Variants in PFKL observed in about 807,000 individuals in gnomAD.
The protein encoded by PFKL is phosphofructokinase, liver type, also known as ATP-dependent 6-phosphofructokinase, liver type.
Under a neutral mutation model 92.1 loss-of-function variants are expected in PFKL, and 74 were observed. That is an observed-to-expected ratio of 0.80 (90% CI 0.67 to 0.97). The LOEUF is 0.97. Among genes scored for constraint, PFKL ranks in the 50% least tolerant of loss-of-function variants. The pLI, the probability that PFKL is intolerant of heterozygous loss-of-function variation, is 0.00. For missense variants in PFKL, 1,028 were observed against 1,116.6 expected, an observed-to-expected ratio of 0.92 and a Z score of 1.13; for synonymous variants, 494 against 456.4, an observed-to-expected ratio of 1.08 and a Z score of -1.05.
At chr21:44,311,992 C>A in intron 3 of PFKL, 113 bp from the exon 4 acceptor site, 1 of 846,486 alleles carries the variant, frequency 1.2e-6, no homozygotes, top group Non-Finnish European at 1.7e-6. Flanking sequence ...CTGCCTCTCA[C>A]TCTGCAGGGT....
intron 1 of PFKL, chr21:44,306,072 G>T (rs1400117831): frequency 2.8e-6 from 2 of 709,796 alleles, no homozygotes; most frequent in Non-Finnish European, 4.1e-6. Flanking sequence ...TTTCCTCAGT[G>T]CCCAGAGGTG....
intron 1 of PFKL, among the ~76,000 whole-genome samples, chr21:44,306,192 T>G (rs951503574): frequency 5.3e-5 from 5 of 93,976 alleles, no homozygotes; most frequent in African/African-American, 2.1e-4. Flanking sequence ...TGCTCTGTGG[T>G]CAAGGCCTGG....
chr21:44,306,881 T>G, intron 2 of PFKL, 127 bp downstream of exon 2: 1 of 817,060 alleles, frequency 1.2e-6, no homozygotes, highest in Non-Finnish European at 2.0e-6. Flanking sequence ...GATGGGTATG[T>G]GGTCTTGGGG....
intron 21 of PFKL, 85 bp downstream of exon 21, chr21:44,326,349 C>A: frequency 1.0e-6 from 1 of 988,122 alleles, no homozygotes; most frequent in Non-Finnish European, 1.5e-6. Context: ...CAGGCCCAGC[C>A]CCACTGGCAC....
chr21:44,319,507 T>C, intron 11 of PFKL, 92 bp downstream of exon 11: 1 of 1,084,146 alleles, frequency 9.2e-7, no homozygotes, highest in South Asian at 1.2e-5. Context: ...ACGCCTGGCC[T>C]GGGTCATCCT....
chr21:44,312,988 A>C lies in PFKL; in HGVS notation c.438A>C (p.Ser146=). ...LEELVAEGKI[S]ETTARTYSHL... ...CTGCTCCTGGCCCAGGTAAGATCTC[A>C]GAGACTACAGCCCGGACCTACTCGC... The change falls in exon 5 of 22, where the codon TCA becomes TCC. Residue 146 remains serine (S), a synonymous_variant. Coordinates refer to ENST00000349048, the MANE Select transcript of PFKL (RefSeq NM_002626.6). The C allele has an allele frequency of 1.2e-6, 2 of 1,612,752 alleles. No individual in the cohort carries two copies. Among genetic ancestry groups the C allele is most frequent in the Non-Finnish European group, 8.5e-7 (1 of 1,179,746 alleles).
chr21:44,325,808 TCGGGAACAGA>T, intron 19 of PFKL, 143 bp from the exon 20 acceptor site: 1 of 614,346 alleles, frequency 1.6e-6, no homozygotes, highest in Non-Finnish European at 2.9e-6. Context: ...GGGTCCTCGA[TCGGGAACAGA>T]CGGGAACGGT....
At position 44,326,756 on chromosome 21, in the gene PFKL, T is replaced by A; in HGVS notation, c.2237T>A (p.Leu746His). Reference protein sequence around the residue: ...PREQWWLSLRLMLKMLAQYRI... With the variant: ...PREQWWLSLRHMLKMLAQYRI... The stretch of plus-strand genomic sequence containing the variant: ...GAGCAGTGGTGGCTGAGCCTGCGGC[T>A]CATGCTGAAGATGCTGGCACAATAC... The change falls in exon 22 of 22, where the codon CTC becomes CAC. Residue 746 changes from leucine (L) to histidine (H), a missense_variant. Leu to His is a moderately conservative substitution (Grantham distance 99, BLOSUM62 -3). Transcript: ENST00000349048. 6.2e-7 allele frequency: 1 copy of A among 1,611,460 alleles called. No homozygotes were observed. The highest frequency in any genetic ancestry group is 8.5e-7 in the Non-Finnish European group (1 of 1,179,410).
Position 44,300,205 on chromosome 21 carries a change from C to T in PFKL, c.85+15C>T, listed in dbSNP as rs1450632458. 5.6e-6 allele frequency: 6 copies of T among 1,076,172 alleles called. No homozygotes were observed. Among genetic ancestry groups the T allele is most frequent in the African/African-American group, 1.7e-5 (1 of 58,440 alleles). The allele number at this position is 1,076,172 out of a possible 1,614,324, so 66.7% of individuals were successfully genotyped here. On this transcript the variant is annotated intron_variant, in intron 1 of 21. Coordinates refer to ENST00000349048, the MANE Select transcript of PFKL (RefSeq NM_002626.6). ...CGACGCGCAAGGTGGGCGGGGGTCCCGGCCGCGTCGCGGCGCAGGGGGTGG... is the reference window on the plus strand; with the variant it reads ...CGACGCGCAAGGTGGGCGGGGGTCCTGGCCGCGTCGCGGCGCAGGGGGTGG...
Position 44,300,088 on chromosome 21 carries a change from C to A in PFKL, c.-18C>A, listed in dbSNP as rs1205936609. 9.0e-6 allele frequency: 10 copies of A among 1,115,730 alleles called. No individual in the cohort carries two copies. The highest frequency in any genetic ancestry group is 6.8e-5 in the African/African-American group (4 of 59,142). The allele number at this position is 1,115,730 out of a possible 1,614,324, so 69.1% of individuals were successfully genotyped here. ...AGGCGGCGGGAGTGCGAGCTGGGCC[C>A]GTGTTTCGGCCGCCGCCATGGCCGC... On this transcript the variant is annotated 5_prime_UTR_variant, in exon 1 of 22. Transcript: ENST00000349048.
At chr21:44,322,027 G>C in intron 13 of PFKL, 106 bp from the exon 14 acceptor site, 1 of 1,454,090 alleles carries the variant, frequency 6.9e-7, no homozygotes, top group Non-Finnish European at 9.3e-7. Context: ...AGCTCTGCCT[G>C]CAGCGTGATG....
chr21:44,313,179 C>G, intron 5 of PFKL, 36 bp downstream of exon 5: 1 of 1,607,866 alleles, frequency 6.2e-7, no homozygotes, highest in South Asian at 1.1e-5. Context: ...AGCCCAGGGC[C>G]CCTCCTCCCC....
chr21:44,323,371 G>C (rs2047409399), intron 15 of PFKL, among the ~76,000 whole-genome samples: 1 of 152,208 alleles, frequency 6.6e-6, no homozygotes, highest in Non-Finnish European at 1.5e-5. Flanking sequence ...GGAAGCTGGA[G>C]GACGAGAAAG....
intron 1 of PFKL, chr21:44,305,692 T>C: frequency 1.8e-6 from 2 of 1,140,918 alleles, no homozygotes; most frequent in Non-Finnish European, 2.3e-6. Context: ...CCCTTTTGTA[T>C]GAAGTCATGG....
At chr21:44,319,093 G>C (rs367743460) in intron 10 of PFKL, among the ~76,000 whole-genome samples, 2 of 152,272 alleles carry the variant, frequency 1.3e-5, no homozygotes. Context: ...AACTGGGGCA[G>C]AGTGCCCTGC....
rs1413393993 is a variant in PFKL, at chr21:44,306,698, C to T, written c.103C>T (p.Arg35Trp). Residue 35 changes from arginine to tryptophan, a missense_variant, in exon 2 of 22, where the codon CGG becomes TGG. By Grantham distance (101) the Arg-to-Trp change is moderately radical. Coordinates refer to ENST00000349048, the MANE Select transcript of PFKL (RefSeq NM_002626.6). The stretch of plus-strand genomic sequence containing the variant: ...CTCCACAGGCATGAACGCTGCTGTC[C>T]GGGCTGTGACGCGCATGGGCATTTA... ...GDAQGMNAAV[R>W]AVTRMGIYVG... The T allele has an allele frequency of 1.2e-5, 20 of 1,613,658 alleles. No individual in the cohort carries two copies. Among genetic ancestry groups the T allele is most frequent in the South Asian group, 3.3e-5 (3 of 91,038 alleles).
chr21:44,313,270 G>T, intron 5 of PFKL, 127 bp downstream of exon 5: 1 of 1,064,868 alleles, frequency 9.4e-7, no homozygotes. Context: ...CAGGCCAGCC[G>T]CCCTCAGCCC....
At chr21:44,325,659 C>G (rs963475112) in intron 19 of PFKL, 43 of 506,836 alleles carry the variant, frequency 8.5e-5, no homozygotes, top group Non-Finnish European at 1.4e-4. Context: ...GGGCATGGGG[C>G]CCGAGGTGAT....
rs1568974618 is a variant in PFKL, at chr21:44,325,985, C to A, written c.2014C>A (p.Arg672=). Residue 672 remains arginine, a synonymous_variant, in exon 20 of 22, where the codon CGG becomes AGG. Coordinates refer to ENST00000349048, the MANE Select transcript of PFKL (RefSeq NM_002626.6). ...QQGGAPTPFD[R]NYGTKLGVKA... ...GGGTGGCGCTCCAACCCCCTTTGACCGGAACTATGGGACCAAGCTGGGGGT... is the reference window on the plus strand; with the variant it reads ...GGGTGGCGCTCCAACCCCCTTTGACAGGAACTATGGGACCAAGCTGGGGGT... 6.2e-7 allele frequency: 1 copy of A among 1,613,716 alleles called. No homozygotes were observed. The highest frequency in any genetic ancestry group is 2.2e-5 in the East Asian group (1 of 44,874).
Sources: allele counts gnomAD v4.1 joint callset (sites outside exome capture counted in the v4.1 genomes callset), GRCh38; gene constraint gnomAD v4.1.1; transcripts MANE v1.5; gene names NCBI Gene and HGNC (gene_info 2026-07-23, HGNC 2026-07-21).